FGD6: variants seen among roughly 807,000 people sequenced by gnomAD.
FGD6 encodes the protein FYVE, RhoGEF and PH domain-containing protein 6.
A neutral mutation model predicts 149.4 loss-of-function variants in FGD6; 90 were observed. The observed-to-expected ratio is 0.60, with a 90% CI of 0.51 to 0.72. FGD6 has a LOEUF of 0.72. Ranked by LOEUF, FGD6 falls within the 30% of genes least tolerant of loss-of-function variation. The pLI, the probability that FGD6 is intolerant of heterozygous loss-of-function variation, is 0.00. For synonymous variants in FGD6, 527 were observed against 584.0 expected (o/e 0.90, Z 1.41); for missense variants, 1,437 against 1,684.8 (o/e 0.85, Z 2.57).
In FGD6 at chr12:95,184,780, G is replaced by A. The variant is rs553514437; in HGVS notation, c.2442-12036C>T. On this transcript the variant is annotated intron_variant, in intron 2 of 20. Coordinates refer to ENST00000343958, the MANE Select transcript of FGD6 (RefSeq NM_018351.4). ...ATATTTTTAGTGGAGATGGGGTTTC[G>A]CCATGTTGGCCAAGCTGGTCTCAAA... Among the ~76,000 whole-genome samples, 28 of 151,958 alleles carry A rather than the reference G, an allele frequency of 1.8e-4. No homozygotes were observed. In the South Asian group the frequency reaches 5.8e-3, roughly 32 times the overall value.
Position 95,108,494 on chromosome 12 carries a change from G to C in FGD6, c.3192+9C>G, listed in dbSNP as rs757416900. On this transcript the variant is annotated intron_variant, in intron 10 of 20. Transcript: ENST00000343958. ...AGACCACACCAGCCACTGACAACAA[G>C]ACACTTACTCCTTGCTTCATGGTGT... 3.0e-5 allele frequency: 49 copies of C among 1,613,970 alleles called. No individual in the cohort carries two copies. Among genetic ancestry groups the C allele is most frequent in the African/African-American group, 1.3e-5 (1 of 74,922 alleles).
chr12:95,171,844 T>C (rs951895393), intron 3 of FGD6, among the ~76,000 whole-genome samples: 5 of 151,816 alleles, frequency 3.3e-5, no homozygotes, highest in African/African-American at 4.8e-5. Context: ...TCTGAACACA[T>C]AGACAATCTT....
chr12:95,208,881 A>G lies in FGD6; in HGVS notation c.2403T>C (p.Asp801=). ...GTCTGGGTCCAAGCTGCAGCTGGCC[A>G]TCTGGAGCTTCATACGGCTCTTCTA... ...YEVEEPYEAP[D]GQLQLGPRHQ... The change falls in exon 2 of 21, where the codon GAT becomes GAC. Residue 801 remains aspartate (D), a synonymous_variant. Transcript: ENST00000343958. The G allele has an allele frequency of 1.2e-6, 2 of 1,613,930 alleles. No individual in the cohort carries two copies. Among genetic ancestry groups the G allele is most frequent in the Non-Finnish European group, 1.7e-6 (2 of 1,179,888 alleles).
intron 5 of FGD6, among the ~76,000 whole-genome samples, chr12:95,150,674 A>G (rs1342053850): frequency 2.6e-5 from 4 of 151,920 alleles, no homozygotes; most frequent in African/African-American, 9.7e-5. Flanking sequence ...GCAGTGGTGC[A>G]ATCAGCTCAC....
chr12:95,216,329 C>A (rs2056778678), intron 1 of FGD6, among the ~76,000 whole-genome samples: 1 of 152,198 alleles, frequency 6.6e-6, no homozygotes, highest in African/African-American at 2.4e-5. Context: ...AAGCTTTAAA[C>A]TATTTCACTA....
intron 15 of FGD6, among the ~76,000 whole-genome samples, chr12:95,094,213 G>A (rs1322098589): frequency 1.3e-5 from 2 of 151,454 alleles, no homozygotes; most frequent in Admixed American, 6.6e-5. Flanking sequence ...TATTTTTCAC[G>A]TGCTCGGAAT....
chr12:95,155,811 C>T (rs1400440823), intron 3 of FGD6, among the ~76,000 whole-genome samples: 5 of 152,220 alleles, frequency 3.3e-5, no homozygotes, highest in South Asian at 4.1e-4. Flanking sequence ...AAGTCAGGAA[C>T]CCCAAATGGA....
chr12:95,154,671 C>T (rs1880417943), intron 3 of FGD6, among the ~76,000 whole-genome samples: 1 of 152,162 alleles, frequency 6.6e-6, no homozygotes, highest in South Asian at 2.1e-4. Flanking sequence ...TTTGCATTCT[C>T]GTAGGCACTG....
chr12:95,180,079 C>CAG (rs769811510), intron 2 of FGD6, among the ~76,000 whole-genome samples: 2 of 138,734 alleles, frequency 1.4e-5, no homozygotes, highest in East Asian at 4.3e-4. Context: ...ACTCTGCCTC[C>CAG]AAAAAAAAAA....
At chr12:95,194,802 T>C (rs1236432919) in intron 2 of FGD6, among the ~76,000 whole-genome samples, 2 of 152,210 alleles carry the variant, frequency 1.3e-5, no homozygotes, top group Non-Finnish European at 1.5e-5. Context: ...TGTGATTCTT[T>C]ACTATAGTTC....
intron 5 of FGD6, among the ~76,000 whole-genome samples, chr12:95,150,814 G>C (rs777567022): frequency 6.6e-6 from 1 of 152,032 alleles, no homozygotes; most frequent in East Asian, 1.9e-4. Context: ...TTACAAAAGA[G>C]AACTGGCTGG....
At chr12:95,088,865 G>C (rs2136232438) in intron 18 of FGD6, among the ~76,000 whole-genome samples, 1 of 152,134 alleles carries the variant, frequency 6.6e-6, no homozygotes, top group Admixed American at 6.5e-5. Flanking sequence ...CAAATTTTTA[G>C]AGTTCTTTCC....
chr12:95,082,106 G>A (rs1877695125), intron 20 of FGD6, among the ~76,000 whole-genome samples: 1 of 152,152 alleles, frequency 6.6e-6, no homozygotes, highest in Admixed American at 6.6e-5. Flanking sequence ...ACCATTTCAT[G>A]TATAAAGGTT....
At chr12:95,156,107 T>C (rs1214286476) in intron 3 of FGD6, among the ~76,000 whole-genome samples, 2 of 152,058 alleles carry the variant, frequency 1.3e-5, no homozygotes, top group East Asian at 3.9e-4. Flanking sequence ...CTGCACAAAT[T>C]GTTTGTAGAG....
intron 14 of FGD6, among the ~76,000 whole-genome samples, chr12:95,096,636 A>G (rs925428396): frequency 3.9e-5 from 6 of 152,190 alleles, no homozygotes; most frequent in Non-Finnish European, 7.3e-5. Context: ...CATGGAATAC[A>G]CATTGGATCT....
chr12:95,090,610 T>G (rs186548324), intron 17 of FGD6, among the ~76,000 whole-genome samples: 2 of 152,284 alleles, frequency 1.3e-5, no homozygotes, highest in Non-Finnish European at 1.5e-5. Flanking sequence ...GTTTGCAGCT[T>G]ATACCATATA....
chr12:95,092,014 A>G (rs990250579), intron 16 of FGD6, among the ~76,000 whole-genome samples: 1 of 152,214 alleles, frequency 6.6e-6, no homozygotes, highest in Non-Finnish European at 1.5e-5. Context: ...TGAAGGGGCC[A>G]CAGATGATTA....
At chr12:95,183,527 T>C (rs1881343224) in intron 2 of FGD6, among the ~76,000 whole-genome samples, 1 of 152,056 alleles carries the variant, frequency 6.6e-6, no homozygotes, top group Admixed American at 6.6e-5. Context: ...AATCCCTCCC[T>C]CACTAACGGG....
At chr12:95,086,617 G>C (rs112437521) in intron 18 of FGD6, among the ~76,000 whole-genome samples, 16,889 of 137,426 alleles carry the variant, frequency 0.12, 1,564 homozygotes, top group African/African-American at 0.27. Context: ...TCAGCTCACT[G>C]CAAGCTCCAC....
Sources: allele counts gnomAD v4.1 joint callset (sites outside exome capture counted in the v4.1 genomes callset), GRCh38; gene constraint gnomAD v4.1.1; transcripts MANE v1.5; gene names NCBI Gene and HGNC (gene_info 2026-07-23, HGNC 2026-07-21).